The following GMPR variants were observed in gnomAD, a reference collection of about 807,000 sequenced individuals.
GMPR encodes GMP reductase 1.
GMPR carries 31 observed loss-of-function variants against 38.4 expected under a neutral mutation model. The ratio of observed to expected loss-of-function variants is 0.81; its 90% confidence interval spans 0.61 to 1.09. The LOEUF is 1.09. Ranked by LOEUF, GMPR falls within the 50% of genes least tolerant of loss-of-function variation. GMPR has a pLI of 0.00. For synonymous variants in GMPR, 162 were observed against 173.3 expected (o/e 0.93, Z 0.51); for missense variants, 468 against 453.7 (o/e 1.03, Z -0.29).
At chr6:16,275,671 A>G (rs1759459679) in intron 5 of GMPR, among the ~76,000 whole-genome samples, 1 of 152,188 alleles carries the variant, frequency 6.6e-6, no homozygotes, top group Admixed American at 6.5e-5. Flanking sequence ...GCAGGCTGTA[A>G]TAGACAGACT....
At chr6:16,261,256 G>A (rs867202812) in intron 4 of GMPR, among the ~76,000 whole-genome samples, 13 of 151,992 alleles carry the variant, frequency 8.6e-5, no homozygotes, top group South Asian at 6.2e-4. Context: ...GACACTATCA[G>A]CAGGGAAAGC....
intron 2 of GMPR, among the ~76,000 whole-genome samples, chr6:16,248,897 G>A (rs1347037729): frequency 6.6e-6 from 1 of 152,164 alleles, no homozygotes; most frequent in African/African-American, 2.4e-5. Context: ...TTCCTAGGAA[G>A]TCTCCCTGCT....
At chr6:16,255,176 T>C (rs1403873211) in intron 4 of GMPR, among the ~76,000 whole-genome samples, 1 of 151,978 alleles carries the variant, frequency 6.6e-6, no homozygotes, top group Non-Finnish European at 1.5e-5. Context: ...CATGCCTGGC[T>C]AATTTTTTGT....
chr6:16,251,740 A>G (rs922077399), intron 3 of GMPR, among the ~76,000 whole-genome samples: 4 of 152,172 alleles, frequency 2.6e-5, no homozygotes, highest in Admixed American at 6.5e-5. Flanking sequence ...GAGGGTTATG[A>G]AAATATTCTA....
chr6:16,289,726 A>G (rs983602734), intron 7 of GMPR, among the ~76,000 whole-genome samples: 17 of 151,238 alleles, frequency 1.1e-4, no homozygotes, highest in Admixed American at 9.2e-4. Flanking sequence ...CTGATGTATA[A>G]GCACAGGGAG....
chr6:16,267,046 GCACGTCGGACGTGC>G (rs1371676454), intron 4 of GMPR, among the ~76,000 whole-genome samples: 7 of 151,022 alleles, frequency 4.6e-5, no homozygotes. Flanking sequence ...GAAAAAGGTG[GCACGTCGGACGTGC>G]CACCTTTAAG....
chr6:16,240,143 AAG>A (rs1187960388), intron 1 of GMPR, among the ~76,000 whole-genome samples: 1 of 152,254 alleles, frequency 6.6e-6, no homozygotes, highest in Admixed American at 6.5e-5. Flanking sequence ...ATGTATTTAG[AAG>A]AGAGAAACTC....
chr6:16,272,863 C>T (rs1314862183), intron 4 of GMPR, among the ~76,000 whole-genome samples: 1 of 151,818 alleles, frequency 6.6e-6, no homozygotes, highest in Non-Finnish European at 1.5e-5. Flanking sequence ...GGGATTTTGC[C>T]ATGTTGCCCA....
intron 7 of GMPR, among the ~76,000 whole-genome samples, chr6:16,289,363 A>G (rs1759778928): frequency 6.6e-6 from 1 of 152,234 alleles, no homozygotes; most frequent in Non-Finnish European, 1.5e-5. Context: ...CCCACTGCAC[A>G]GTGATCCATG....
At chr6:16,263,407 G>T (rs1759124829) in intron 4 of GMPR, 1 of 151,894 alleles carries the variant, frequency 6.6e-6, no homozygotes, top group Non-Finnish European at 1.5e-5. Context: ...AATTGAAGAG[G>T]TTTTAAGTTT....
intron 4 of GMPR, among the ~76,000 whole-genome samples, chr6:16,273,682 T>C (rs150266307): frequency 6.6e-6 from 1 of 152,264 alleles, no homozygotes; most frequent in African/African-American, 2.4e-5. Context: ...TAATTCTGAC[T>C]CTCTGGGGTT....
In GMPR at chr6:16,266,022, T is replaced by A. The variant is rs1759201110; in HGVS notation, c.466-8393T>A. Among the ~76,000 whole-genome samples the A allele has an allele frequency of 3.9e-5, 6 of 152,090 alleles. 2 individuals carry two copies. The Middle Eastern group carries it at 0.02, about 517-fold the overall frequency. On this transcript the variant is annotated intron_variant, in intron 4 of 8. Coordinates refer to ENST00000259727, the MANE Select transcript of GMPR (RefSeq NM_006877.4). ...AACACTCACCGTGAAGGTCTGTGGC[T>A]TCACTGCTGAAGTCAGTGAGACCAC...
intron 4 of GMPR, among the ~76,000 whole-genome samples, chr6:16,260,278 C>G (rs941402748): frequency 6.6e-6 from 1 of 151,922 alleles, no homozygotes; most frequent in Non-Finnish European, 1.5e-5. Context: ...ATACTAAGAG[C>G]CTGAAAAACT....
In GMPR at chr6:16,295,150, C is replaced by T. The variant is rs754973852; in HGVS notation, c.1002C>T (p.Ile334=). Residue 334 remains isoleucine, a synonymous_variant, in exon 9 of 9, where the codon ATC becomes ATT. Transcript: ENST00000259727. ...LKELSRRATF[I]RVTQQHNTVF... ...AGCTCAGCAGGAGGGCAACATTCAT[C>T]CGGGTGACCCAGCAGCACAACACCG... is the stretch of plus-strand genomic sequence containing the variant. 6.4e-7 allele frequency: 1 copy of T among 1,556,052 alleles called. No individual in the cohort carries two copies. Among genetic ancestry groups the T allele is most frequent in the South Asian group, 1.2e-5 (1 of 83,142 alleles).
chr6:16,245,608 G>C (rs1758737167), intron 1 of GMPR, among the ~76,000 whole-genome samples: 1 of 152,222 alleles, frequency 6.6e-6, no homozygotes, highest in Non-Finnish European at 1.5e-5. Flanking sequence ...TGTAGTTTGT[G>C]TCTATCGGAG....
In GMPR at chr6:16,285,830, C is replaced by A. The variant is rs146771786; in HGVS notation, c.692C>A (p.Ala231Asp). Residue 231 changes from alanine (A) to aspartate (D), a missense_variant, in exon 7 of 9, where the codon GCC (alanine) becomes GAC (aspartate). Coordinates refer to ENST00000259727, the MANE Select transcript of GMPR (RefSeq NM_006877.4). ...GCTCPGDVAK[A>D]FGAGADFVML... ...ACGTGTCCAGGGGATGTCGCCAAAG[C>A]CTTTGGTAAGGCCGGGCCCTGGTGC... 2,421 of 1,611,518 alleles carry A rather than the reference C, an allele frequency of 1.5e-3. 5 individuals carry two copies. The highest frequency in any genetic ancestry group is 1.8e-3 in the Non-Finnish European group (2,141 of 1,178,700).
intron 3 of GMPR, among the ~76,000 whole-genome samples, chr6:16,253,501 A>G (rs1758914108): frequency 6.6e-6 from 1 of 152,102 alleles, no homozygotes; most frequent in Non-Finnish European, 1.5e-5. Flanking sequence ...ACACACTTTT[A>G]ATGACCAGAT....
rs1186605573 is a variant in GMPR, at chr6:16,238,793, C to T, written c.87+13C>T. 4 of 1,420,152 alleles carry T rather than the reference C, an allele frequency of 2.8e-6. No homozygotes were observed. The highest frequency in any genetic ancestry group is 2.3e-5 in the Admixed American group (1 of 44,356). 88.0% of individuals were successfully genotyped at this position (1,420,152 alleles called of 1,614,324 possible). ...GAGCCGAGCCGAGGTGGGGGACGTT[C>T]GGAAGTCGCAGTGGGGTGGGATTTT... On this transcript the variant is annotated intron_variant, in intron 1 of 8. Transcript: ENST00000259727.
At chr6:16,270,353 A>G (rs1349949588) in intron 4 of GMPR, among the ~76,000 whole-genome samples, 3 of 152,208 alleles carry the variant, frequency 2.0e-5, no homozygotes, top group African/African-American at 7.2e-5. Flanking sequence ...GCTGCCCAAG[A>G]AATGAACCTG....
Sources: allele counts gnomAD v4.1 joint callset (sites outside exome capture counted in the v4.1 genomes callset), GRCh38; gene constraint gnomAD v4.1.1; transcripts MANE v1.5; gene names NCBI Gene and HGNC (gene_info 2026-07-23, HGNC 2026-07-21).